C2CD5: variants seen among roughly 807,000 people sequenced by gnomAD.
The protein encoded by C2CD5 is C2 domain-containing protein 5.
C2CD5 carries 109 observed loss-of-function variants against 130.3 expected under a neutral mutation model. The ratio of observed to expected loss-of-function variants is 0.84; its 90% CI spans 0.72 to 0.98. The LOEUF (loss-of-function observed/expected upper bound fraction) is 0.98, where lower values mean the gene tolerates loss of function less well. Among genes scored for constraint, C2CD5 ranks in the 50% least tolerant of loss-of-function variants. The pLI is 0.00. For missense variants in C2CD5, 996 were observed against 1,261.8 expected (o/e 0.79, Z 3.19); for synonymous variants, 454 against 429.2 (o/e 1.06, Z -0.71).
At chr12:22,466,213 G>C (rs1942043931) in intron 22 of C2CD5, among the ~76,000 whole-genome samples, 1 of 150,704 alleles carries the variant, frequency 6.6e-6, no homozygotes, top group African/African-American at 2.4e-5. Flanking sequence ...TAATCCCCTA[G>C]TCAATATAAA....
intron 14 of C2CD5, among the ~76,000 whole-genome samples, chr12:22,479,039 C>T (rs957342412): frequency 1.3e-5 from 2 of 151,948 alleles, no homozygotes; most frequent in African/African-American, 2.4e-5. Context: ...TTACTTTTCA[C>T]TGCATACCCA....
At chr12:22,535,667 G>T in intron 2 of C2CD5, among the ~76,000 whole-genome samples, 1 of 152,130 alleles carries the variant, frequency 6.6e-6, no homozygotes, top group South Asian at 2.1e-4. Context: ...ATATGATCAG[G>T]TAAGTCACAG....
intron 10 of C2CD5, among the ~76,000 whole-genome samples, chr12:22,497,293 T>C (rs1459893979): frequency 1.3e-5 from 2 of 152,092 alleles, no homozygotes; most frequent in African/African-American, 4.8e-5. Context: ...CCGAGAGAAC[T>C]TGAAATGTTC....
At chr12:22,502,977 T>C (rs1238231415) in intron 10 of C2CD5, among the ~76,000 whole-genome samples, 1 of 152,170 alleles carries the variant, frequency 6.6e-6, no homozygotes, top group African/African-American at 2.4e-5. Context: ...AGGAGCATGC[T>C]ATAGTAATCT....
chr12:22,512,829 T>A, intron 9 of C2CD5: 1 of 481,222 alleles, frequency 2.1e-6, no homozygotes, highest in Non-Finnish European at 3.6e-6. Flanking sequence ...AACCACATTA[T>A]TTATATTAAT....
chr12:22,509,652 C>T (rs933723474), intron 9 of C2CD5, among the ~76,000 whole-genome samples: 3 of 152,196 alleles, frequency 2.0e-5, no homozygotes, highest in African/African-American at 7.2e-5. Context: ...TGTTAAGTAC[C>T]TATCATCACC....
chr12:22,511,061 C>T (rs1344412200), intron 9 of C2CD5, among the ~76,000 whole-genome samples: 1 of 151,680 alleles, frequency 6.6e-6, no homozygotes, highest in Non-Finnish European at 1.5e-5. Flanking sequence ...TCTCATCTCC[C>T]GAAAACCTAG....
intron 13 of C2CD5, among the ~76,000 whole-genome samples, chr12:22,484,004 G>GT (rs1384689090): frequency 6.6e-6 from 1 of 152,108 alleles, no homozygotes; most frequent in Non-Finnish European, 1.5e-5. Context: ...AAGTTGATGA[G>GT]TTCAACTAAG....
chr12:22,526,470 T>C (rs1468863924), intron 4 of C2CD5, among the ~76,000 whole-genome samples: 1 of 152,204 alleles, frequency 6.6e-6, no homozygotes, highest in Non-Finnish European at 1.5e-5. Context: ...AGGATTAAAA[T>C]TCAGATCTTT....
At chr12:22,517,390 C>A (rs565506775) in intron 8 of C2CD5, among the ~76,000 whole-genome samples, 1 of 151,796 alleles carries the variant, frequency 6.6e-6, no homozygotes, top group East Asian at 1.9e-4. Context: ...AAAACATATT[C>A]ATAAAAACCC....
At chr12:22,462,126 A>G (rs1941279003) in intron 22 of C2CD5, among the ~76,000 whole-genome samples, 1 of 152,226 alleles carries the variant, frequency 6.6e-6, no homozygotes, top group African/African-American at 2.4e-5. Context: ...GTTCCAGTTT[A>G]AAAGAAATAA....
At chr12:22,529,617 C>T (rs1231569275) in intron 3 of C2CD5, among the ~76,000 whole-genome samples, 1 of 152,016 alleles carries the variant, frequency 6.6e-6, no homozygotes, top group Non-Finnish European at 1.5e-5. Context: ...TATCTGGAAT[C>T]GCAAAATATT....
intron 2 of C2CD5, 124 bp downstream of exon 2, chr12:22,543,937 A>G: frequency 1.4e-6 from 1 of 712,044 alleles, no homozygotes; most frequent in Non-Finnish European, 2.4e-6. Context: ...GGAGAGCTGG[A>G]CAACCACGGC....
At chr12:22,494,738 CA>C (rs2136497824) in intron 10 of C2CD5, among the ~76,000 whole-genome samples, 1 of 152,102 alleles carries the variant, frequency 6.6e-6, no homozygotes, top group East Asian at 1.9e-4. Context: ...GAAAAGACTA[CA>C]ATATGGTATT....
At chr12:22,512,711 A>G in intron 9 of C2CD5, 2 of 1,376,794 alleles carry the variant, frequency 1.5e-6, no homozygotes, top group Non-Finnish European at 1.9e-6. Flanking sequence ...AAAAAAAAAA[A>G]GAGAGAGAGA....
chr12:22,506,673 T>C (rs780613383), intron 10 of C2CD5, 38 bp downstream of exon 10: 2 of 1,135,202 alleles, frequency 1.8e-6, no homozygotes, highest in Admixed American at 2.0e-5. Context: ...TAACCACAAT[T>C]TAAATAAAGG....
intron 9 of C2CD5, among the ~76,000 whole-genome samples, chr12:22,509,768 T>C (rs932503527): frequency 6.6e-6 from 1 of 152,240 alleles, no homozygotes; most frequent in Non-Finnish European, 1.5e-5. Flanking sequence ...CCATTTTTTA[T>C]ATGAAAAACT....
chr12:22,528,133 C>A (rs1950892140), intron 3 of C2CD5, among the ~76,000 whole-genome samples: 1 of 152,010 alleles, frequency 6.6e-6, no homozygotes, highest in Non-Finnish European at 1.5e-5. Context: ...TGACTAACAA[C>A]AAAAAAATTT....
At chr12:22,499,162 T>C (rs1047368608) in intron 10 of C2CD5, among the ~76,000 whole-genome samples, 19 of 152,202 alleles carry the variant, frequency 1.2e-4, no homozygotes, top group African/African-American at 4.6e-4. Flanking sequence ...TTCCAAAGGG[T>C]AGAACTCAAT....
Sources: gnomAD v4.1 joint callset for allele counts (sites outside exome capture counted in the v4.1 genomes callset) on GRCh38, gnomAD v4.1.1 for gene constraint, MANE v1.5 for transcripts, NCBI Gene and HGNC (gene_info 2026-07-23, HGNC 2026-07-21) for gene names.